The following ZNF667 variants were observed in gnomAD, a reference collection of about 807,000 sequenced individuals.
The protein encoded by ZNF667 is myocardial ischemic preconditioning upregulated 1 ortholog.
In ZNF667, 13 loss-of-function variants were observed where a neutral mutation model predicts 31.8. That is an observed-to-expected ratio of 0.41 (90% confidence interval 0.27 to 0.65). The LOEUF is 0.65. Among genes scored for constraint, ZNF667 ranks in the 30% least tolerant of loss-of-function variants. The pLI, the probability that ZNF667 is intolerant of heterozygous loss-of-function variation, is 0.32. For missense variants in ZNF667, 642 were observed against 725.6 expected, an observed-to-expected ratio of 0.88 and a Z score of 1.32; for synonymous variants, 228 against 247.1, an observed-to-expected ratio of 0.92 and a Z score of 0.73.
chr19:56,442,968 T>C (rs1416858334), intron 6 of ZNF667, among the ~76,000 whole-genome samples: 1 of 152,210 alleles, frequency 6.6e-6, no homozygotes, highest in African/African-American at 2.4e-5. Flanking sequence ...TAAGATTTTA[T>C]TTATACGATA....
intron 6 of ZNF667, among the ~76,000 whole-genome samples, chr19:56,454,267 C>T (rs1442947640): frequency 6.6e-6 from 1 of 152,096 alleles, no homozygotes; most frequent in South Asian, 2.1e-4. Flanking sequence ...AATTAATCTA[C>T]AGATTCAATG....
intron 6 of ZNF667, among the ~76,000 whole-genome samples, chr19:56,451,867 T>TAAAA (rs2042829678): frequency 3.3e-5 from 1 of 29,872 alleles, no homozygotes; most frequent in Admixed American, 5.7e-4. Flanking sequence ...AGACCCTGTC[T>TAAAA]CAAAAAAAAA....
chr19:56,473,257 T>A (rs998514621), intron 2 of ZNF667, among the ~76,000 whole-genome samples: 1 of 152,244 alleles, frequency 6.6e-6, no homozygotes, highest in Non-Finnish European at 1.5e-5. Flanking sequence ...AGACACTCTA[T>A]GTGTCCTCTC....
intron 3 of ZNF667, among the ~76,000 whole-genome samples, chr19:56,464,009 A>C (rs755920707): frequency 6.6e-6 from 1 of 152,190 alleles, no homozygotes; most frequent in Non-Finnish European, 1.5e-5. Flanking sequence ...GCTTTTCCAA[A>C]GGTTTTAGGA....
intron 6 of ZNF667, among the ~76,000 whole-genome samples, chr19:56,451,889 A>AC (rs1330712690): frequency 1.0e-4 from 11 of 109,864 alleles, no homozygotes; most frequent in African/African-American, 3.4e-4. Context: ...AAAAAAAAAA[A>AC]AAAAAAAAAA....
intron 6 of ZNF667, among the ~76,000 whole-genome samples, chr19:56,450,251 C>G (rs2042792573): frequency 6.6e-6 from 1 of 152,122 alleles, no homozygotes; most frequent in East Asian, 1.9e-4. Context: ...AAACGGAACT[C>G]TAATACATCT....
intron 3 of ZNF667, among the ~76,000 whole-genome samples, chr19:56,465,730 A>G (rs927940887): frequency 6.6e-6 from 1 of 152,142 alleles, no homozygotes; most frequent in Admixed American, 6.5e-5. Flanking sequence ...CCCTCTGCCC[A>G]TGTCAGAGGA....
intron 3 of ZNF667, among the ~76,000 whole-genome samples, chr19:56,465,539 C>T (rs796133142): frequency 2.6e-5 from 4 of 152,360 alleles, no homozygotes; most frequent in African/African-American, 9.6e-5. Context: ...ATTATCATTT[C>T]AATTCTCACA....
At position 56,441,769 on chromosome 19, in the gene ZNF667, G is replaced by C; in HGVS notation, c.1226C>G (p.Thr409Arg). 1 of 1,613,890 alleles carries C rather than the reference G, an allele frequency of 6.2e-7. No individual in the cohort carries two copies. The highest frequency in any genetic ancestry group is 1.1e-5 in the South Asian group (1 of 91,054). Reference protein sequence around the residue: ...SSLIQHQKVHTKKKKLFECKE... With the variant: ...SSLIQHQKVHRKKKKLFECKE... ...ACACTCAAATAGTTTCTTTTTCTTT[G>C]TATGAACTTTCTGATGTTGAATAAG... The change falls in exon 7 of 7, where the codon ACA (threonine) becomes AGA (arginine). Residue 409 changes from threonine (T) to arginine (R), a missense_variant. Thr to Arg is a moderately conservative substitution (Grantham distance 71). Coordinates refer to ENST00000504904, the MANE Select transcript of ZNF667 (RefSeq NM_001321356.2). The surrounding 1 kb of genome is among the most constrained non-coding windows in gnomAD (Gnocchi z 4.2).
rs1348033207 is a variant in ZNF667, at chr19:56,442,565, A to C, written c.430T>G (p.Leu144Val). 8.1e-6 allele frequency: 13 copies of C among 1,614,110 alleles called. No individual in the cohort carries two copies. Among genetic ancestry groups the C allele is most frequent in the Non-Finnish European group, 1.1e-5 (13 of 1,179,986 alleles). Residue 144 changes from leucine (L) to valine (V), a missense_variant, in exon 7 of 7, where the codon TTA (leucine) becomes GTA (valine). Leu to Val is a conservative substitution (Grantham distance 32). Transcript: ENST00000504904. Reference protein sequence around the residue: ...PKKGHSGKKPLKCNDCGKTFS... With the variant: ...PKKGHSGKKPVKCNDCGKTFS... Reference sequence around the variant, plus strand: ...GTTTTACCACAGTCATTACATTTTAAAGGTTTCTTCCCTGAATGCCCTTTC... The same window carrying C: ...GTTTTACCACAGTCATTACATTTTACAGGTTTCTTCCCTGAATGCCCTTTC...
At chr19:56,450,794 T>A (rs2042806107) in intron 6 of ZNF667, among the ~76,000 whole-genome samples, 1 of 152,192 alleles carries the variant, frequency 6.6e-6, no homozygotes, top group African/African-American at 2.4e-5. Flanking sequence ...AAAGTTAAAT[T>A]GTCATCAGTT....
chr19:56,471,189 T>C (rs1317837536), intron 3 of ZNF667, among the ~76,000 whole-genome samples: 1 of 151,786 alleles, frequency 6.6e-6, no homozygotes, highest in Non-Finnish European at 1.5e-5. Flanking sequence ...GCTCCCACCA[T>C]GTAAGACACC....
At chr19:56,473,487 TATA>T (rs2043336702) in intron 2 of ZNF667, among the ~76,000 whole-genome samples, 1 of 152,214 alleles carries the variant, frequency 6.6e-6, no homozygotes, top group Non-Finnish European at 1.5e-5. Flanking sequence ...ATTACATGCA[TATA>T]ATGAGACACC....
chr19:56,446,776 G>A (rs1351695495), intron 6 of ZNF667, among the ~76,000 whole-genome samples: 1 of 152,148 alleles, frequency 6.6e-6, no homozygotes. Flanking sequence ...AGCAGCATCA[G>A]CAAAACAAGA....
At position 56,441,207 on chromosome 19, in the gene ZNF667, T is replaced by C; in HGVS notation, c.1788A>G (p.Ser596=). 1 of 1,613,772 alleles carries C rather than the reference T, an allele frequency of 6.2e-7. No individual in the cohort carries two copies. Among genetic ancestry groups the C allele is most frequent in the Non-Finnish European group, 8.5e-7 (1 of 1,179,686 alleles). ...SKCGKAYSRS[S]SLIRHQNTHS... ...GTGTATTCTGATGTCGAATCAGGGA[T>C]GAACTCCGACTATATGCCTTCCCAC... The change falls in exon 7 of 7, where the codon TCA becomes TCG. Residue 596 remains serine, a synonymous_variant. Coordinates refer to ENST00000504904, the MANE Select transcript of ZNF667 (RefSeq NM_001321356.2). The surrounding 1 kb of genome is among the most constrained non-coding windows in gnomAD (Gnocchi z 4.2).
At chr19:56,447,814 G>C (rs1266608867) in intron 6 of ZNF667, among the ~76,000 whole-genome samples, 1 of 151,972 alleles carries the variant, frequency 6.6e-6, no homozygotes, top group Non-Finnish European at 1.5e-5. Flanking sequence ...CCAGGAGGCG[G>C]AGGTTGCAGT....
intron 1 of ZNF667, chr19:56,475,721 T>C (rs919893761): frequency 6.6e-6 from 1 of 152,184 alleles, no homozygotes; most frequent in Non-Finnish European, 1.5e-5. Context: ...CCATGTGTTA[T>C]ATGGAAACAT....
At chr19:56,470,026 A>G in intron 3 of ZNF667, 1 of 458,528 alleles carries the variant, frequency 2.2e-6, no homozygotes, top group African/African-American at 2.0e-5. Context: ...CTTGTCCTCC[A>G]CCGGACAATG....
intron 3 of ZNF667, among the ~76,000 whole-genome samples, chr19:56,464,639 T>G (rs2043121065): frequency 6.6e-6 from 1 of 152,250 alleles, no homozygotes; most frequent in South Asian, 2.1e-4. Flanking sequence ...TCTCTTATTG[T>G]ATTGCCCCAT....
Sources: allele counts gnomAD v4.1 joint callset (sites outside exome capture counted in the v4.1 genomes callset), GRCh38; gene constraint gnomAD v4.1.1; non-coding constraint Gnocchi (gnomAD v3.1); transcripts MANE v1.5; gene names NCBI Gene and HGNC (gene_info 2026-07-23, HGNC 2026-07-21).